NCKAP5: variants seen among roughly 807,000 people sequenced by gnomAD.
NCKAP5 encodes NCK associated protein 5, also known as nck-associated protein 5.
NCKAP5 carries 92 observed loss-of-function variants against 167.0 expected under a neutral mutation model. The observed-to-expected ratio is 0.55, with a 90% CI of 0.47 to 0.66. The LOEUF (loss-of-function observed/expected upper bound fraction) is 0.66. Among genes scored for constraint, NCKAP5 ranks in the 30% least tolerant of loss-of-function variants. NCKAP5 has a pLI of 0.00. For missense variants in NCKAP5, 2,378 were observed against 2,315.0 expected, an observed-to-expected ratio of 1.03 and a Z score of -0.56; for synonymous variants, 891 against 877.4, an observed-to-expected ratio of 1.02 and a Z score of -0.27.
At chr2:132,828,327 G>A (rs918465009) in intron 11 of NCKAP5, among the ~76,000 whole-genome samples, 1 of 152,110 alleles carries the variant, frequency 6.6e-6, no homozygotes, top group African/African-American at 2.4e-5. Context: ...GTTGGAGGAG[G>A]GGCCTGGTGG....
At chr2:132,911,643 T>C (rs1694459334) in intron 8 of NCKAP5, among the ~76,000 whole-genome samples, 2 of 152,200 alleles carry the variant, frequency 1.3e-5, no homozygotes, top group African/African-American at 4.8e-5. Context: ...TGTGTGTATA[T>C]ACATGTAAAT....
chr2:132,809,478 T>C (rs1158767469), intron 11 of NCKAP5, among the ~76,000 whole-genome samples: 1 of 151,796 alleles, frequency 6.6e-6, no homozygotes, highest in Admixed American at 6.6e-5. Context: ...TTTAGGATTG[T>C]GATATTTTCC....
the NCKAP5 span, among the ~76,000 whole-genome samples, chr2:133,668,253 G>C: frequency 2.0e-5 from 3 of 151,986 alleles, no homozygotes; most frequent in Admixed American, 6.5e-5. Context: ...CCATGTACAA[G>C]TTTCATGTGG....
At chr2:133,537,154 GTA>G (rs1366976822) in intron 2 of NCKAP5, among the ~76,000 whole-genome samples, 1 of 152,050 alleles carries the variant, frequency 6.6e-6, no homozygotes, top group African/African-American at 2.4e-5. Flanking sequence ...TACCTGTGAT[GTA>G]TATGTCTAGC....
intron 6 of NCKAP5, among the ~76,000 whole-genome samples, chr2:133,083,945 G>A (rs2080897507): frequency 1.3e-5 from 2 of 152,102 alleles, no homozygotes; most frequent in African/African-American, 4.8e-5. Context: ...GAACAACTCT[G>A]GTGAGTTCAG....
chr2:133,399,058 C>G (rs1329212257), intron 3 of NCKAP5, among the ~76,000 whole-genome samples: 3 of 152,190 alleles, frequency 2.0e-5, no homozygotes, highest in African/African-American at 7.2e-5. Flanking sequence ...AAACAGACAC[C>G]TATCACAGAG....
At chr2:132,917,486 T>C (rs988347583) in intron 8 of NCKAP5, among the ~76,000 whole-genome samples, 4 of 152,092 alleles carry the variant, frequency 2.6e-5, no homozygotes, top group Admixed American at 1.3e-4. Flanking sequence ...GTTGACTCAT[T>C]TGTTATAAAA....
the NCKAP5 span, among the ~76,000 whole-genome samples, chr2:133,674,272 A>AGT: frequency 6.6e-6 from 1 of 152,192 alleles, no homozygotes; most frequent in Non-Finnish European, 1.5e-5. Context: ...TGACATGCAT[A>AGT]GTGTGCGGCT....
chr2:133,371,821 T>C (rs1048969162), intron 3 of NCKAP5, among the ~76,000 whole-genome samples: 4 of 152,178 alleles, frequency 2.6e-5, no homozygotes, highest in Non-Finnish European at 4.4e-5. Flanking sequence ...CAGTGCTTCC[T>C]TACTGGGCTT....
intron 4 of NCKAP5, among the ~76,000 whole-genome samples, chr2:133,273,973 CAA>C (rs397872263): frequency 1.3e-4 from 16 of 123,590 alleles, no homozygotes; most frequent in Non-Finnish European, 1.2e-4. Context: ...GTTTGTCTAC[CAA>C]AAAAAAAAAA....
intron 8 of NCKAP5, chr2:132,954,726 A>G (rs1308921128): frequency 4.4e-6 from 2 of 450,546 alleles, no homozygotes; most frequent in Non-Finnish European, 8.9e-6. Context: ...GACTAGAAAT[A>G]TATATGCTGA....
intron 2 of NCKAP5, among the ~76,000 whole-genome samples, chr2:133,543,691 C>T (rs554799999): frequency 1.3e-5 from 2 of 152,336 alleles, no homozygotes; most frequent in South Asian, 4.1e-4. Flanking sequence ...AAAAGACCTA[C>T]AAAATCTACC....
intron 3 of NCKAP5, among the ~76,000 whole-genome samples, chr2:133,329,174 G>C (rs1204939089): frequency 6.6e-6 from 1 of 152,118 alleles, no homozygotes; most frequent in Non-Finnish European, 1.5e-5. Flanking sequence ...TGAGATGGAG[G>C]CTTCGCTGAC....
chr2:133,178,954 C>T (rs2084608836), intron 5 of NCKAP5, among the ~76,000 whole-genome samples: 1 of 151,850 alleles, frequency 6.6e-6, no homozygotes, highest in African/African-American at 2.4e-5. Flanking sequence ...TCACTTGAGG[C>T]CAGGAATTCA....
chr2:133,205,870 TAA>T (rs567138225), intron 5 of NCKAP5, among the ~76,000 whole-genome samples: 102 of 152,316 alleles, frequency 6.7e-4, no homozygotes, highest in African/African-American at 1.4e-3. Context: ...TATTATAGTT[TAA>T]AACTATATTT....
intron 19 of NCKAP5, among the ~76,000 whole-genome samples, chr2:132,700,339 T>C (rs1687761456): frequency 6.6e-6 from 1 of 152,120 alleles, no homozygotes; most frequent in Admixed American, 6.5e-5. Flanking sequence ...TTAGATCCCA[T>C]TTGTCAATTT....
intron 2 of NCKAP5, among the ~76,000 whole-genome samples, chr2:133,542,452 T>C (rs1686302572): frequency 6.6e-6 from 1 of 152,156 alleles, no homozygotes; most frequent in Non-Finnish European, 1.5e-5. Flanking sequence ...TTGCTTCAGG[T>C]AAACGGGGAG....
chr2:132,697,213 C>T (rs974316378), intron 19 of NCKAP5, among the ~76,000 whole-genome samples: 7 of 152,190 alleles, frequency 4.6e-5, no homozygotes, highest in African/African-American at 1.4e-4. Context: ...AACAGTTATC[C>T]CTTAAAGAGC....
At chr2:133,277,262 A>G (rs1005063049) in intron 4 of NCKAP5, among the ~76,000 whole-genome samples, 2 of 152,204 alleles carry the variant, frequency 1.3e-5, no homozygotes, top group Admixed American at 1.3e-4. Flanking sequence ...ATGACATGGT[A>G]GTACTCCTGG....
Sources: allele counts gnomAD v4.1 joint callset (sites outside exome capture counted in the v4.1 genomes callset), GRCh38; gene constraint gnomAD v4.1.1; transcripts MANE v1.5; gene names NCBI Gene and HGNC (gene_info 2026-07-23, HGNC 2026-07-21).